PRELID2: variants seen among roughly 807,000 people sequenced by gnomAD.
PRELID2 encodes the protein PRELI domain containing 2.
In PRELID2, 25 loss-of-function variants were observed where a neutral mutation model predicts 28.4. The ratio of observed to expected loss-of-function variants is 0.88; its 90% CI spans 0.64 to 1.23. The LOEUF (loss-of-function observed/expected upper bound fraction) is 1.23, where lower values mean the gene tolerates loss of function less well. Among genes scored for constraint, PRELID2 ranks in the 50% most tolerant of loss-of-function variants. PRELID2 has a pLI of 0.00. For synonymous variants in PRELID2, 76 were observed against 71.6 expected, an observed-to-expected ratio of 1.06 and a Z score of -0.31; for missense variants, 201 against 214.4, an observed-to-expected ratio of 0.94 and a Z score of 0.39.
At chr5:145,740,765 AAT>A (rs1396176750) in intron 1 of PRELID2, among the ~76,000 whole-genome samples, 1 of 117,916 alleles carries the variant, frequency 8.5e-6, no homozygotes, top group Non-Finnish European at 1.6e-5. Flanking sequence ...TTTATGTATA[AAT>A]ATATAATATA....
the PRELID2 span, among the ~76,000 whole-genome samples, chr5:145,416,306 T>TA: frequency 6.6e-6 from 1 of 151,940 alleles, no homozygotes; most frequent in Non-Finnish European, 1.5e-5. Context: ...CCTAAAACCA[T>TA]AAAAACCCTA....
intron 1 of PRELID2, among the ~76,000 whole-genome samples, chr5:145,540,469 A>C (rs1335002989): frequency 6.6e-6 from 1 of 151,942 alleles, no homozygotes; most frequent in Non-Finnish European, 1.5e-5. Context: ...GTGTCCATCC[A>C]ATGTAACAGC....
At chr5:145,362,901 G>T in the PRELID2 span, among the ~76,000 whole-genome samples, 1 of 151,966 alleles carries the variant, frequency 6.6e-6, no homozygotes, top group Non-Finnish European at 1.5e-5. Context: ...AGATAAATAA[G>T]TTAAATTTAT....
the PRELID2 span, among the ~76,000 whole-genome samples, chr5:145,291,853 T>G: frequency 6.6e-6 from 1 of 152,222 alleles, no homozygotes; most frequent in Non-Finnish European, 1.5e-5. Flanking sequence ...GGACATCCAG[T>G]TGTTCCAACA....
At chr5:145,494,364 A>G (rs1752291545) in intron 1 of PRELID2, among the ~76,000 whole-genome samples, 1 of 152,206 alleles carries the variant, frequency 6.6e-6, no homozygotes, top group Non-Finnish European at 1.5e-5. Flanking sequence ...TTGAAAAAAT[A>G]CTTCTTTGAA....
At chr5:145,709,343 A>T (rs1436515557) in intron 1 of PRELID2, among the ~76,000 whole-genome samples, 4 of 152,208 alleles carry the variant, frequency 2.6e-5, no homozygotes, top group African/African-American at 9.6e-5. Context: ...CCAGGTGATT[A>T]CACTTTAATG....
intron 1 of PRELID2, among the ~76,000 whole-genome samples, chr5:145,591,833 C>T (rs150539070): frequency 4.6e-5 from 7 of 152,274 alleles, no homozygotes; most frequent in African/African-American, 1.7e-4. Context: ...TTCCCTGGAT[C>T]TGATTTGATT....
At chr5:145,400,990 C>T in the PRELID2 span, among the ~76,000 whole-genome samples, 1 of 152,048 alleles carries the variant, frequency 6.6e-6, no homozygotes, top group African/African-American at 2.4e-5. Flanking sequence ...GGTGTAATTA[C>T]CACCAGACAG....
chr5:145,236,042 C>G, the PRELID2 span, among the ~76,000 whole-genome samples: 1 of 152,100 alleles, frequency 6.6e-6, no homozygotes, highest in Non-Finnish European at 1.5e-5. Flanking sequence ...CTAGAAGATG[C>G]TCGACCTCAG....
chr5:145,397,495 G>C, the PRELID2 span, among the ~76,000 whole-genome samples: 1 of 152,090 alleles, frequency 6.6e-6, no homozygotes, highest in Non-Finnish European at 1.5e-5. Flanking sequence ...CAAACTGCAG[G>C]GTCAAAATAC....
intron 1 of PRELID2, among the ~76,000 whole-genome samples, chr5:145,526,977 A>G (rs1484262184): frequency 6.6e-6 from 1 of 152,224 alleles, no homozygotes; most frequent in East Asian, 1.9e-4. Context: ...ATACTGAACA[A>G]TGTCAAGGAT....
At chr5:145,374,917 G>A in the PRELID2 span, among the ~76,000 whole-genome samples, 14 of 152,004 alleles carry the variant, frequency 9.2e-5, no homozygotes, top group African/African-American at 3.1e-4. Context: ...TCTTTGCATT[G>A]GGTTAGAACA....
At chr5:145,304,417 A>T in the PRELID2 span, among the ~76,000 whole-genome samples, 2 of 152,174 alleles carry the variant, frequency 1.3e-5, no homozygotes, top group African/African-American at 4.8e-5. Context: ...TAATATTGTA[A>T]TAGTTTTTTC....
At chr5:145,269,459 CT>C in the PRELID2 span, among the ~76,000 whole-genome samples, 2 of 151,894 alleles carry the variant, frequency 1.3e-5, no homozygotes, top group Non-Finnish European at 2.9e-5. Context: ...ACAAACAACC[CT>C]TACCATACCC....
At chr5:145,698,125 T>C (rs1474472838) in intron 1 of PRELID2, among the ~76,000 whole-genome samples, 2 of 152,142 alleles carry the variant, frequency 1.3e-5, no homozygotes, top group African/African-American at 2.4e-5. Context: ...TGAATTTCTA[T>C]TATAAAGCTA....
chr5:145,383,978 A>G, the PRELID2 span, among the ~76,000 whole-genome samples: 1 of 152,142 alleles, frequency 6.6e-6, no homozygotes, highest in African/African-American at 2.4e-5. Context: ...ATCATTAATA[A>G]AAGCACAAAC....
chr5:145,259,915 C>T, the PRELID2 span, among the ~76,000 whole-genome samples: 1 of 151,988 alleles, frequency 6.6e-6, no homozygotes, highest in Non-Finnish European at 1.5e-5. Flanking sequence ...AATTATAATC[C>T]CCAATGTTGG....
At chr5:145,400,055 C>A in the PRELID2 span, among the ~76,000 whole-genome samples, 2 of 152,214 alleles carry the variant, frequency 1.3e-5, no homozygotes, top group Admixed American at 6.5e-5. Context: ...CTTCCTTTCC[C>A]CAATTTTATT....
the PRELID2 span, among the ~76,000 whole-genome samples, chr5:145,436,239 T>C: frequency 1.5e-3 from 232 of 152,298 alleles, 7 homozygotes; most frequent in East Asian, 0.038. Flanking sequence ...TCCAGCTCCA[T>C]TCAGGTTGCT....
Sources: allele counts gnomAD v4.1 joint callset (sites outside exome capture counted in the v4.1 genomes callset), GRCh38; gene constraint gnomAD v4.1.1; transcripts MANE v1.5; gene names NCBI Gene and HGNC (gene_info 2026-07-23, HGNC 2026-07-21).